The following BCL11B variants were observed in gnomAD, a reference collection of about 807,000 sequenced individuals.
BCL11B encodes the protein BCL11 transcription factor B.
A neutral mutation model predicts 49.9 loss-of-function variants in BCL11B; 8 were observed. The observed-to-expected ratio is 0.16, with a 90% confidence interval of 0.09 to 0.29. The LOEUF (loss-of-function observed/expected upper bound fraction) is 0.29, where lower values mean the gene tolerates loss of function less well. Among genes scored for constraint, BCL11B ranks in the 10% least tolerant of loss-of-function variants. The probability of loss-of-function intolerance (pLI) is 1.00; values close to 1 mark genes in which losing one functional copy is unlikely to be tolerated. For missense variants in BCL11B, 1,006 were observed against 1,351.0 expected (o/e 0.74, Z 4.00); for synonymous variants, 739 against 637.4 (o/e 1.16, Z -2.40).
chr14:99,231,163 G>A lies in BCL11B; in HGVS notation c.640+182C>T, dbSNP rs147627540. On this transcript the variant is annotated intron_variant, in intron 3 of 3. Transcript: ENST00000357195. The surrounding 1 kb of genome is among the most constrained non-coding windows in gnomAD (Gnocchi z 8.1). ...GGGGCACCGTGGGGGACTCCTGACC[G>A]AGGGGCACCGGGCCCTGGCTCATAG... Among the ~76,000 whole-genome samples, 46 of 152,302 alleles carry A rather than the reference G, an allele frequency of 3.0e-4. No individual in the cohort carries two copies. The highest frequency in any genetic ancestry group is 3.2e-4 in the Non-Finnish European group (22 of 68,024).
rs974081519 is a variant in BCL11B, at chr14:99,174,886, C to T, written c.1950G>A (p.Ala650=). 4.7e-6 allele frequency: 5 copies of T among 1,071,024 alleles called. No homozygotes were observed. The African/African-American group carries it at 8.6e-5, about 18-fold the overall frequency. The allele number at this position is 1,071,024 out of a possible 1,614,324, so 66.3% of individuals were successfully genotyped here. The stretch of plus-strand genomic sequence containing the variant: ...CGAAGCCGCCCCCGCGCCCGTTGAC[C>T]GCGCCGCCCGCGCCCGCGTCCCCGC... ...GGCGDAGAGG[A]VNGRGGGFAP... is the part of the protein sequence containing the mutation. Residue 650 remains alanine, a synonymous_variant, in exon 4 of 4, where the codon GCG becomes GCA. Transcript: ENST00000357195.
chr14:99,200,261 G>A (rs1211169614), intron 3 of BCL11B, among the ~76,000 whole-genome samples: 1 of 152,226 alleles, frequency 6.6e-6, no homozygotes, highest in Non-Finnish European at 1.5e-5. Context: ...ACAGGCGCTG[G>A]TCAGTCTTGG....
chr14:99,187,200 C>A (rs766188497), intron 3 of BCL11B, among the ~76,000 whole-genome samples: 1 of 152,154 alleles, frequency 6.6e-6, no homozygotes, highest in Non-Finnish European at 1.5e-5. Context: ...CATTGCCAGC[C>A]GCAGGGGTAT....
chr14:99,219,604 A>G (rs1887951249), intron 3 of BCL11B, among the ~76,000 whole-genome samples: 1 of 152,148 alleles, frequency 6.6e-6, no homozygotes, highest in Non-Finnish European at 1.5e-5. Context: ...CAAAGCGTGC[A>G]CAGGACACCG....
At chr14:99,225,184 A>C (rs1291378201) in intron 3 of BCL11B, among the ~76,000 whole-genome samples, 1 of 152,298 alleles carries the variant, frequency 6.6e-6, no homozygotes, top group Admixed American at 6.5e-5. Context: ...AACTCAAGAG[A>C]GGTAGTATGG....
intron 2 of BCL11B, among the ~76,000 whole-genome samples, chr14:99,245,344 A>G (rs1284154447): frequency 6.6e-6 from 1 of 152,234 alleles, no homozygotes; most frequent in Admixed American, 6.5e-5. Context: ...ACTCCAGTGG[A>G]GGGTTCCATT....
chr14:99,265,674 G>A (rs775333668), intron 1 of BCL11B, among the ~76,000 whole-genome samples: 8 of 152,174 alleles, frequency 5.3e-5, no homozygotes, highest in Non-Finnish European at 1.0e-4. Flanking sequence ...CAGTGAGCTC[G>A]CTGCCACTAC....
intron 3 of BCL11B, among the ~76,000 whole-genome samples, chr14:99,197,512 G>A (rs998532872): frequency 6.6e-6 from 1 of 151,800 alleles, no homozygotes; most frequent in African/African-American, 2.4e-5. Context: ...TTTTTCACAA[G>A]GCAAGCCTCT....
intron 3 of BCL11B, among the ~76,000 whole-genome samples, chr14:99,210,101 C>T (rs1387865664): frequency 6.6e-6 from 1 of 152,114 alleles, no homozygotes; most frequent in African/African-American, 2.4e-5. Context: ...GCAGAGGCTG[C>T]CCTACCTCTC....
chr14:99,237,226 C>A (rs944636456), intron 2 of BCL11B, among the ~76,000 whole-genome samples: 6 of 139,626 alleles, frequency 4.3e-5, no homozygotes, highest in Middle Eastern at 3.6e-3. Flanking sequence ...TATTTCATTT[C>A]TTTTTTTTTC....
At chr14:99,240,849 C>T (rs116684711) in intron 2 of BCL11B, among the ~76,000 whole-genome samples, 293 of 152,296 alleles carry the variant, frequency 1.9e-3, no homozygotes, top group African/African-American at 6.7e-3. Context: ...TAGCCACGCG[C>T]GAGACGCCGC....
intron 3 of BCL11B, among the ~76,000 whole-genome samples, chr14:99,185,765 G>C (rs1266246398): frequency 6.6e-6 from 1 of 151,632 alleles, no homozygotes. Flanking sequence ...CTGACCCAGG[G>C]TAAGTGTTAG....
chr14:99,217,393 C>CACACAG, intron 3 of BCL11B, among the ~76,000 whole-genome samples: 1 of 149,616 alleles, frequency 6.7e-6, no homozygotes, highest in Middle Eastern at 3.4e-3. Flanking sequence ...CAGACACACA[C>CACACAG]ACACACACAC....
chr14:99,245,275 G>C (rs1206803824), intron 2 of BCL11B, among the ~76,000 whole-genome samples: 2 of 152,228 alleles, frequency 1.3e-5, no homozygotes, highest in Non-Finnish European at 2.9e-5. Context: ...CCTAAGAGAA[G>C]TCAGGCTGAA....
chr14:99,174,391 C>G lies in BCL11B; in HGVS notation c.2445G>C (p.Arg815=), dbSNP rs767911082. Residue 815 remains arginine, a synonymous_variant, in exon 4 of 4, where the codon CGG becomes CGC. Coordinates refer to ENST00000357195, the MANE Select transcript of BCL11B (RefSeq NM_138576.4). ...AAGGCCGCTCGCCGGTGTGGCTCCG[C>G]CGGTGCACCGTCAAGTTGCTGCAGT... The part of the protein sequence containing the change: ...FKNCSNLTVH[R]RSHTGERPYK... The G allele has an allele frequency of 6.2e-7, 1 of 1,613,422 alleles. No homozygotes were observed. Among genetic ancestry groups the G allele is most frequent in the African/African-American group, 1.3e-5 (1 of 74,922 alleles).
intron 3 of BCL11B, among the ~76,000 whole-genome samples, chr14:99,189,474 G>A (rs1204425233): frequency 6.6e-6 from 1 of 152,182 alleles, no homozygotes; most frequent in Non-Finnish European, 1.5e-5. Context: ...GTGTCCACGT[G>A]GGCACACACG....
intron 1 of BCL11B, among the ~76,000 whole-genome samples, chr14:99,266,075 T>A (rs1040257899): frequency 2.0e-5 from 3 of 152,206 alleles, no homozygotes; most frequent in Admixed American, 2.0e-4. Flanking sequence ...AAAGATGTGA[T>A]CAAGACTGGC....
chr14:99,207,753 G>A (rs1326823462), intron 3 of BCL11B, among the ~76,000 whole-genome samples: 1 of 152,184 alleles, frequency 6.6e-6, no homozygotes, highest in Non-Finnish European at 1.5e-5. Flanking sequence ...AGGGCTTGCT[G>A]GGCAGAGTCT....
At position 99,174,040 on chromosome 14, in the gene BCL11B, CG is replaced by C. The variant is rs1453478302; in HGVS notation, c.*110del. The C allele has an allele frequency of 1.3e-5, 15 of 1,145,918 alleles. No individual in the cohort carries two copies. The highest frequency in any genetic ancestry group is 1.6e-5 in the Non-Finnish European group (13 of 812,660). The allele number at this position is 1,145,918 out of a possible 1,614,324, so 71.0% of individuals were successfully genotyped here. A position where few individuals can be genotyped will look rare whatever the true frequency, so the allele number is the denominator to read the frequency against. On this transcript the variant is annotated 3_prime_UTR_variant, in exon 4 of 4. Transcript: ENST00000357195. ...TTGGAGTGCCGCCTCCCCTGGGCCC[CG>C]GGGACACGCGGGGTGCGGGGTGGCG...
Sources: gnomAD v4.1 joint callset for allele counts (sites outside exome capture counted in the v4.1 genomes callset) on GRCh38, gnomAD v4.1.1 for gene constraint, Gnocchi (gnomAD v3.1) non-coding constraint, MANE v1.5 for transcripts, NCBI Gene and HGNC (gene_info 2026-07-23, HGNC 2026-07-21) for gene names.